Variants in RAB33A observed in about 807,000 individuals in gnomAD.
The protein encoded by RAB33A is RAB33A, member RAS oncogene family, also known as ras-related protein Rab-33A.
In RAB33A, 6 loss-of-function variants were observed where a neutral mutation model predicts 12.0. That is an observed-to-expected ratio of 0.50 (90% CI 0.27 to 0.99). RAB33A has a LOEUF of 0.99. Among genes scored for constraint, RAB33A ranks in the 50% least tolerant of loss-of-function variants. RAB33A has a pLI of 0.11. For missense variants in RAB33A, 109 were observed against 192.0 expected (o/e 0.57, Z 2.55); for synonymous variants, 70 against 82.4 (o/e 0.85, Z 0.81).
chrX:130,123,792 G>C, the RAB33A span, among the ~76,000 whole-genome samples: 1 of 109,029 alleles, frequency 9.2e-6, no homozygotes, highest in Non-Finnish European at 1.9e-5. Context: ...ATCTGAGGAA[G>C]AGTGAAGAGG....
the RAB33A span, among the ~76,000 whole-genome samples, chrX:130,161,609 C>CTT: frequency 6.2e-5 from 6 of 96,563 alleles, no homozygotes; most frequent in African/African-American, 1.5e-4. Flanking sequence ...ATTTATCAGC[C>CTT]TTTTTTTTTT....
chrX:130,170,339 A>G (rs1407165213), upstream of RAB33A, among the ~76,000 whole-genome samples: 2 of 111,792 alleles, frequency 1.8e-5, no homozygotes, highest in Non-Finnish European at 3.8e-5. Context: ...CTGCAGCTCA[A>G]CCTCCCAAAT....
intron 1 of RAB33A, among the ~76,000 whole-genome samples, chrX:130,178,517 T>C (rs965075778): frequency 9.1e-6 from 1 of 109,681 alleles, no homozygotes; most frequent in Non-Finnish European, 1.9e-5. Flanking sequence ...TAGTCCCAGC[T>C]ACTCGGGAGG....
the RAB33A span, among the ~76,000 whole-genome samples, chrX:130,132,402 G>A: frequency 8.9e-6 from 1 of 112,528 alleles, no homozygotes; most frequent in African/African-American, 3.2e-5. Flanking sequence ...GGAAAGTGAT[G>A]AGGTTCCCAC....
the RAB33A span, among the ~76,000 whole-genome samples, chrX:130,155,669 T>A: frequency 2.4e-4 from 27 of 112,103 alleles, no homozygotes; most frequent in African/African-American, 7.8e-4. Flanking sequence ...CCTAAACTTG[T>A]AATGGCTTAA....
At chrX:130,118,407 T>C in the RAB33A span, among the ~76,000 whole-genome samples, 1 of 112,622 alleles carries the variant, frequency 8.9e-6, no homozygotes, top group Non-Finnish European at 1.9e-5. Context: ...TTCTGCTCTT[T>C]GGGATTGCCA....
chrX:130,136,520 A>C, the RAB33A span: 1 of 651,736 alleles, frequency 1.5e-6, no homozygotes, highest in South Asian at 2.3e-5. Context: ...TCGGAAAATT[A>C]TATCAGGTTA....
At chrX:130,153,336 CAG>C in the RAB33A span, among the ~76,000 whole-genome samples, 9 of 79,459 alleles carry the variant, frequency 1.1e-4, no homozygotes, top group Admixed American at 3.6e-4. Context: ...CTGGGCGACA[CAG>C]AGAGACTCCG....
the RAB33A span, chrX:130,130,124 G>A: frequency 8.3e-7 from 1 of 1,211,912 alleles, no homozygotes; most frequent in Non-Finnish European, 1.1e-6. Flanking sequence ...AGTAATTTCT[G>A]AGGCCTCGGA....
chrX:130,130,665 T>C, the RAB33A span, among the ~76,000 whole-genome samples: 1 of 112,847 alleles, frequency 8.9e-6, no homozygotes, highest in African/African-American at 3.2e-5. Context: ...GCTAACGTAC[T>C]GGACAGAGCA....
the RAB33A span, among the ~76,000 whole-genome samples, chrX:130,129,059 T>G: frequency 8.9e-6 from 1 of 112,124 alleles, no homozygotes; most frequent in South Asian, 3.7e-4. Flanking sequence ...AGTCATGGGC[T>G]AGCAGGGAGA....
the RAB33A span, among the ~76,000 whole-genome samples, chrX:130,141,585 G>A: frequency 9.0e-6 from 1 of 111,601 alleles, no homozygotes; most frequent in Non-Finnish European, 1.9e-5. Flanking sequence ...CCAGGAGGAG[G>A]TGTTGGCATT....
At chrX:130,147,977 C>T in the RAB33A span, 237 of 1,062,724 alleles carry the variant, frequency 2.2e-4, 1 homozygote, top group Non-Finnish European at 6.6e-6. Context: ...CAATCCTCCA[C>T]ATAAAGCTAG....
At chrX:130,146,478 TGTG>T in the RAB33A span, among the ~76,000 whole-genome samples, 2 of 108,252 alleles carry the variant, frequency 1.8e-5, no homozygotes, top group African/African-American at 6.8e-5. Context: ...TGTGTGTGTG[TGTG>T]TGTGTGTGTG....
At chrX:130,118,814 G>A in the RAB33A span, among the ~76,000 whole-genome samples, 2 of 111,242 alleles carry the variant, frequency 1.8e-5, no homozygotes, top group East Asian at 2.8e-4. Flanking sequence ...AACTGTGTTC[G>A]GGGTGTGCAT....
Position 130,184,557 on chromosome X carries a change from G to C in RAB33A, c.531G>C (p.Leu177Phe), listed in dbSNP as rs1202309750. Residue 177 changes from leucine (L) to phenylalanine (F), a missense_variant, in exon 2 of 2, where the codon TTG becomes TTC. Leu to Phe is a conservative substitution (Grantham distance 22). Transcript: ENST00000257017. The part of the protein sequence containing the change: ...LKFADAHNML[L>F]FETSAKDPKE... Reference sequence around the variant, plus strand: ...TTGCTGATGCCCACAACATGCTCTTGTTTGAGACATCGGCCAAGGACCCCA... The same window carrying C: ...TTGCTGATGCCCACAACATGCTCTTCTTTGAGACATCGGCCAAGGACCCCA... 8.3e-7 allele frequency: 1 copy of C among 1,211,846 alleles called. No homozygotes were observed. The highest frequency in any genetic ancestry group is 2.2e-5 in the Admixed American group (1 of 46,003).
the RAB33A span, among the ~76,000 whole-genome samples, chrX:130,133,929 G>C: frequency 1.8e-5 from 2 of 110,507 alleles, no homozygotes; most frequent in Admixed American, 9.7e-5. Context: ...ACCACGCCTG[G>C]CCTGAGATCT....
chrX:130,172,045 C>G lies in RAB33A; in HGVS notation c.-18C>G, dbSNP rs754155964. 1 of 1,192,981 alleles carries G rather than the reference C, an allele frequency of 8.4e-7. No homozygotes were observed. Among genetic ancestry groups the G allele is most frequent in the South Asian group, 1.8e-5 (1 of 54,925 alleles). On this transcript the variant is annotated 5_prime_UTR_variant, in exon 1 of 2. Coordinates refer to ENST00000257017, the MANE Select transcript of RAB33A (RefSeq NM_004794.3). ...GAGCCCTCAAGGGGGGTTGGGGCCCCGGTTCGGTCCGGGGGAGATGGCGCA... is the reference window on the plus strand; with the variant it reads ...GAGCCCTCAAGGGGGGTTGGGGCCCGGGTTCGGTCCGGGGGAGATGGCGCA...
At chrX:130,156,729 G>A in the RAB33A span, 4 of 740,582 alleles carry the variant, frequency 5.4e-6, no homozygotes, top group South Asian at 2.3e-5. Flanking sequence ...AAATGATCAA[G>A]AAAAATATCA....
Sources: allele counts gnomAD v4.1 joint callset (sites outside exome capture counted in the v4.1 genomes callset), GRCh38; gene constraint gnomAD v4.1.1; transcripts MANE v1.5; gene names NCBI Gene and HGNC (gene_info 2026-07-23, HGNC 2026-07-21).